ITFG1: variants seen among roughly 807,000 people sequenced by gnomAD.
ITFG1 encodes integrin alpha FG-GAP repeat containing 1, also known as T-cell immunomodulatory protein.
ITFG1 carries 34 observed loss-of-function variants against 81.8 expected under a neutral mutation model. The ratio of observed to expected loss-of-function variants is 0.42; its 90% CI spans 0.32 to 0.55. The LOEUF (loss-of-function observed/expected upper bound fraction) is 0.55. ITFG1 is among the 20% of genes least tolerant of loss of function. The pLI, the probability that ITFG1 is intolerant of heterozygous loss-of-function variation, is 0.17. For missense variants in ITFG1, 672 were observed against 755.4 expected (o/e 0.89, Z 1.29); for synonymous variants, 285 against 270.6 (o/e 1.05, Z -0.52).
At chr16:47,182,806 C>G (rs182402123) in intron 14 of ITFG1, among the ~76,000 whole-genome samples, 1 of 152,216 alleles carries the variant, frequency 6.6e-6, no homozygotes, top group Non-Finnish European at 1.5e-5. Flanking sequence ...CTACAGCTCC[C>G]AGCGTGAGCA....
chr16:47,294,395 T>C (rs1444592908), intron 10 of ITFG1, among the ~76,000 whole-genome samples: 1 of 152,148 alleles, frequency 6.6e-6, no homozygotes, highest in Non-Finnish European at 1.5e-5. Flanking sequence ...CTGTGAAAAC[T>C]GACATTGGCA....
chr16:47,245,547 A>G (rs117756356), intron 12 of ITFG1, among the ~76,000 whole-genome samples: 2 of 152,254 alleles, frequency 1.3e-5, no homozygotes, highest in Non-Finnish European at 2.9e-5. Flanking sequence ...CATTGGCAAG[A>G]TCAGCTTTAT....
intron 5 of ITFG1, among the ~76,000 whole-genome samples, chr16:47,439,237 T>C (rs1969211760): frequency 6.6e-6 from 1 of 152,024 alleles, no homozygotes; most frequent in African/African-American, 2.4e-5. Context: ...ATGGGGAGAA[T>C]GGAACCAAGT....
chr16:47,258,565 C>T, intron 12 of ITFG1, 67 bp downstream of exon 12: 1 of 763,208 alleles, frequency 1.3e-6, no homozygotes. Flanking sequence ...CATGTCCTTG[C>T]TCTTTGGAAT....
intron 5 of ITFG1, chr16:47,448,388 T>G (rs2151617537): frequency 6.6e-6 from 1 of 152,282 alleles, no homozygotes; most frequent in South Asian, 2.1e-4. Context: ...GAATACAGTT[T>G]TTTTGATAAT....
At chr16:47,378,648 G>A (rs544862468) in intron 6 of ITFG1, among the ~76,000 whole-genome samples, 2 of 152,064 alleles carry the variant, frequency 1.3e-5, no homozygotes, top group African/African-American at 2.4e-5. Flanking sequence ...GCTAGTTGAG[G>A]GACTGGAAGT....
At chr16:47,409,406 T>TATATA (rs59928420) in intron 6 of ITFG1, among the ~76,000 whole-genome samples, 7 of 11,672 alleles carry the variant, frequency 6.0e-4, no homozygotes, top group Non-Finnish European at 7.0e-4. Context: ...ATATATATAT[T>TATATA]TTTTTTTTTT....
chr16:47,425,652 G>C (rs947797944), intron 6 of ITFG1: 1 of 151,228 alleles, frequency 6.6e-6, no homozygotes, highest in Non-Finnish European at 1.5e-5. Context: ...AAGTGCAGTG[G>C]CATGATCTCA....
chr16:47,165,881 C>G (rs1964882446), intron 14 of ITFG1, among the ~76,000 whole-genome samples: 1 of 151,966 alleles, frequency 6.6e-6, no homozygotes, highest in South Asian at 2.1e-4. Context: ...AAATTAAACA[C>G]AAGCTGATTT....
intron 10 of ITFG1, among the ~76,000 whole-genome samples, chr16:47,306,547 A>G (rs1284368516): frequency 2.0e-5 from 3 of 152,134 alleles, no homozygotes; most frequent in Non-Finnish European, 4.4e-5. Context: ...TTATCAAAAT[A>G]TATGACCTGA....
chr16:47,332,152 C>A (rs1967645192), intron 8 of ITFG1, among the ~76,000 whole-genome samples: 2 of 151,628 alleles, frequency 1.3e-5, no homozygotes, highest in Admixed American at 1.3e-4. Context: ...GTGTAACTAA[C>A]CTGCACATTG....
At chr16:47,275,345 T>TA (rs1966386350) in intron 10 of ITFG1, among the ~76,000 whole-genome samples, 2 of 152,132 alleles carry the variant, frequency 1.3e-5, no homozygotes, top group South Asian at 4.1e-4. Flanking sequence ...AAATGTCACT[T>TA]ATGGGGCTAA....
At chr16:47,307,852 A>C (rs1288467718) in intron 10 of ITFG1, among the ~76,000 whole-genome samples, 1 of 151,998 alleles carries the variant, frequency 6.6e-6, no homozygotes, top group African/African-American at 2.4e-5. Context: ...TATGTCCATG[A>C]GTATGCACTG....
intron 6 of ITFG1, chr16:47,426,378 T>C (rs956801750): frequency 1.3e-5 from 2 of 151,658 alleles, no homozygotes; most frequent in Non-Finnish European, 2.9e-5. Context: ...AACAAAAGTT[T>C]GGATGTGTGT....
At chr16:47,211,762 C>A (rs911801333) in intron 14 of ITFG1, among the ~76,000 whole-genome samples, 1 of 152,002 alleles carries the variant, frequency 6.6e-6, no homozygotes, top group African/African-American at 2.4e-5. Context: ...GTTAATATGA[C>A]CATGTGGTTT....
At chr16:47,288,056 T>G (rs968020799) in intron 10 of ITFG1, among the ~76,000 whole-genome samples, 3 of 152,190 alleles carry the variant, frequency 2.0e-5, no homozygotes, top group African/African-American at 7.2e-5. Context: ...ACATTTTTAT[T>G]TTTATTTTTT....
intron 10 of ITFG1, among the ~76,000 whole-genome samples, chr16:47,308,553 A>G (rs879767518): frequency 4.6e-5 from 7 of 152,228 alleles, no homozygotes; most frequent in Admixed American, 1.3e-4. Context: ...TTTATCTCAG[A>G]CTATTTTCAT....
intron 14 of ITFG1, among the ~76,000 whole-genome samples, chr16:47,186,262 A>T (rs921090922): frequency 2.6e-5 from 4 of 152,228 alleles, no homozygotes; most frequent in Non-Finnish European, 4.4e-5. Context: ...TCATTTTATG[A>T]GGCCAGCATC....
At chr16:47,415,175 T>C (rs1032863813) in intron 6 of ITFG1, among the ~76,000 whole-genome samples, 1 of 152,234 alleles carries the variant, frequency 6.6e-6, no homozygotes, top group Non-Finnish European at 1.5e-5. Flanking sequence ...AGAACCTGGA[T>C]GCTGATATTT....
Sources: gnomAD v4.1 joint callset for allele counts (sites outside exome capture counted in the v4.1 genomes callset) on GRCh38, gnomAD v4.1.1 for gene constraint, MANE v1.5 for transcripts, NCBI Gene and HGNC (gene_info 2026-07-23, HGNC 2026-07-21) for gene names.